PRRT1B: variants seen among roughly 807,000 people sequenced by gnomAD.
PRRT1B encodes the protein dispanin subfamily D member 2.
chr9:131,554,761 C>T (rs1462070121), exon 2 of PRRT1B: 17 of 320,184 alleles, frequency 5.3e-5, no homozygotes, highest in African/African-American at 2.2e-4. Context: ...GAGGACGCCC[C>T]GGCCCAGGCG....
chr9:131,548,143 C>T (rs1172697154), intron 1 of PRRT1B, among the ~76,000 whole-genome samples: 1 of 152,112 alleles, frequency 6.6e-6, no homozygotes, highest in African/African-American at 2.4e-5. Flanking sequence ...GCCAGGGCTG[C>T]TCACCCAACC....
At chr9:131,549,243 C>A (rs1295271219) in intron 1 of PRRT1B, among the ~76,000 whole-genome samples, 1 of 152,216 alleles carries the variant, frequency 6.6e-6, no homozygotes, top group Non-Finnish European at 1.5e-5. Context: ...GTTGCAATTC[C>A]TTGCCTCCAC....
intron 1 of PRRT1B, among the ~76,000 whole-genome samples, chr9:131,548,755 C>T (rs1261451938): frequency 6.6e-6 from 1 of 152,124 alleles, no homozygotes; most frequent in South Asian, 2.1e-4. Flanking sequence ...GAGCTAGGTC[C>T]GAATTCTTCC....
rs1310360402 is a variant in PRRT1B, at chr9:131,551,076, G to A, written c.26-3481G>A. 6.6e-6 allele frequency among the ~76,000 whole-genome samples: 1 copy of A among 150,884 alleles called. No homozygotes were observed. The highest frequency in any genetic ancestry group is 1.5e-5 in the Non-Finnish European group (1 of 67,792). ...TTCTGCCTCAGCCTCCCGAGTAGCT[G>A]GGACTACAGGCACCCGCCACCATGC... is the stretch of plus-strand genomic sequence containing the variant. On this transcript the variant is annotated intron_variant, in intron 1 of 3. Transcript: ENST00000636672. This position sits in a 1 kb window ranked among gnomAD's most constrained non-coding sequence, Gnocchi z 4.4.
chr9:131,550,933 CTTTTTCTTTTTTTTT>C (rs1217279489), intron 1 of PRRT1B, among the ~76,000 whole-genome samples: 1 of 116,856 alleles, frequency 8.6e-6, no homozygotes, highest in Non-Finnish European at 1.7e-5. Flanking sequence ...TTTTTCTTTT[CTTTTTCTTTTTTTTT>C]TTTTTTTTTT....
chr9:131,546,646 C>T (rs1257176892), intron 1 of PRRT1B, among the ~76,000 whole-genome samples: 2 of 151,928 alleles, frequency 1.3e-5, no homozygotes, highest in African/African-American at 4.8e-5. Context: ...CCAGGACTCC[C>T]CCCCAGACCC....
At position 131,556,976 on chromosome 9, in the gene PRRT1B, TCATCCATCTAC is replaced by T. The variant is rs1346576618; in HGVS notation, c.642+775_642+785del. ...CCTCCATCCATCCATCATCCATCCATCATCCATCTACCATCCATCTACTATCCATCTACCAT... is the reference window on the plus strand; with the variant it reads ...CCTCCATCCATCCATCATCCATCCATCATCCATCTACTATCCATCTACCAT... On this transcript the variant is annotated intron_variant, in intron 3 of 3. Transcript: ENST00000636672. 8.6e-5 allele frequency among the ~76,000 whole-genome samples: 13 copies of T among 151,860 alleles called. No homozygotes were observed. In the East Asian group the frequency reaches 2.5e-3, roughly 29 times the overall value.
rs865928616 is a variant in PRRT1B, at chr9:131,554,538, C to G, written c.26-19C>G. ...AGCCCGGCGGCCTCTTGCTCACGACCGCTGCCATTTCTTTCTAGGGTCCGA... is the reference window on the plus strand; with the variant it reads ...AGCCCGGCGGCCTCTTGCTCACGACGGCTGCCATTTCTTTCTAGGGTCCGA... On this transcript the variant is annotated intron_variant, in intron 1 of 3. Coordinates refer to ENST00000636672, the Ensembl canonical transcript of PRRT1B. 2 of 393,564 alleles carry G rather than the reference C, an allele frequency of 5.1e-6. No homozygotes were observed. Among genetic ancestry groups the G allele is most frequent in the Non-Finnish European group, 4.5e-6 (1 of 222,622 alleles). 24.4% of individuals were successfully genotyped at this position (393,564 alleles called of 1,614,324 possible). A position where few individuals can be genotyped will look rare whatever the true frequency, so the allele number is the denominator to read the frequency against.
At chr9:131,547,457 T>A (rs1950984016) in intron 1 of PRRT1B, among the ~76,000 whole-genome samples, 1 of 152,110 alleles carries the variant, frequency 6.6e-6, no homozygotes, top group Admixed American at 6.6e-5. Context: ...AGAACCCCCT[T>A]TGACTGTAAT....
chr9:131,554,774 G>A (rs1227808252), exon 2 of PRRT1B: 5 of 325,550 alleles, frequency 1.5e-5, no homozygotes, highest in Non-Finnish European at 2.8e-5. Context: ...CCCAGGCGGC[G>A]GGCGAGGCCG....
At chr9:131,556,963 C>T (rs1285694772) in intron 3 of PRRT1B, among the ~76,000 whole-genome samples, 1 of 151,922 alleles carries the variant, frequency 6.6e-6, no homozygotes, top group Non-Finnish European at 1.5e-5. Flanking sequence ...TCCATCCATC[C>T]ATCATCCATC....
chr9:131,545,669 A>G, intron 1 of PRRT1B, 29 bp downstream of exon 1: 1 of 315,824 alleles, frequency 3.2e-6, no homozygotes, highest in African/African-American at 5.6e-5. Context: ...CTGGTGGGAC[A>G]GGTACTGGCG....
At chr9:131,550,513 C>A (rs1436849091) in intron 1 of PRRT1B, among the ~76,000 whole-genome samples, 1 of 152,212 alleles carries the variant, frequency 6.6e-6, no homozygotes, top group Non-Finnish European at 1.5e-5. Flanking sequence ...GCATAATTCT[C>A]ATGAAAACAC....
exon 4 of PRRT1B, chr9:131,558,220 A>AGATGCCG (rs1184248890): frequency 2.0e-5 from 8 of 400,798 alleles, no homozygotes; most frequent in African/African-American, 6.2e-5. Flanking sequence ...GCTCCTGCGG[A>AGATGCCG]GATGCCGGAT....
intron 2 of PRRT1B, 96 bp downstream of exon 2, chr9:131,555,125 G>T (rs1951040511): frequency 1.5e-5 from 1 of 66,448 alleles, no homozygotes; most frequent in African/African-American, 7.4e-4. Flanking sequence ...TCTGTCCCTG[G>T]GGGCGGGCGA....
chr9:131,557,236 C>T (rs1250729521), intron 3 of PRRT1B, among the ~76,000 whole-genome samples: 1 of 152,204 alleles, frequency 6.6e-6, no homozygotes, highest in African/African-American at 2.4e-5. Flanking sequence ...TGTGATGACA[C>T]TCTAATAGAG....
intron 1 of PRRT1B, among the ~76,000 whole-genome samples, chr9:131,547,065 CTT>C (rs549825970): frequency 1.2e-4 from 12 of 100,802 alleles, no homozygotes; most frequent in African/African-American, 3.9e-4. Flanking sequence ...CTCCTGTTCG[CTT>C]TTTTTTTTTT....
At position 131,551,972 on chromosome 9, in the gene PRRT1B, T is replaced by C. The variant is rs998293201; in HGVS notation, c.26-2585T>C. On this transcript the variant is annotated intron_variant, in intron 1 of 3. Transcript: ENST00000636672. The surrounding 1 kb of genome is among the most constrained non-coding windows in gnomAD (Gnocchi z 4.4). ...CACACCTGGCTAATTTTTGTATTTT[T>C]AGTAGAGACGAGGTGTCACTGTGTT... Among the ~76,000 whole-genome samples the C allele has an allele frequency of 1.4e-4, 21 of 152,188 alleles. No individual in the cohort carries two copies. The highest frequency in any genetic ancestry group is 2.2e-4 in the Non-Finnish European group (15 of 68,036).
chr9:131,553,112 T>C (rs1402486897), intron 1 of PRRT1B, among the ~76,000 whole-genome samples: 1 of 152,290 alleles, frequency 6.6e-6, no homozygotes, highest in East Asian at 1.9e-4. Flanking sequence ...GACATGCTTT[T>C]AAAAAATGGT....
Sources: gnomAD v4.1 joint callset for allele counts (sites outside exome capture counted in the v4.1 genomes callset) on GRCh38, gnomAD v4.1.1 for gene constraint, Gnocchi (gnomAD v3.1) non-coding constraint, MANE v1.5 for transcripts, NCBI Gene and HGNC (gene_info 2026-07-23, HGNC 2026-07-21) for gene names.